GRIA3: variants seen among roughly 807,000 people sequenced by gnomAD.
GRIA3 encodes the protein glutamate receptor 3.
Under a neutral mutation model 63.0 loss-of-function variants are expected in GRIA3, and 3 were observed. That is an observed-to-expected ratio of 0.05 (90% CI 0.02 to 0.12). The LOEUF is 0.12. GRIA3 is among the 10% of genes least tolerant of loss of function. GRIA3 has a pLI of 1.00. For synonymous variants in GRIA3, 274 were observed against 257.9 expected, an observed-to-expected ratio of 1.06 and a Z score of -0.60; for missense variants, 347 against 700.9, an observed-to-expected ratio of 0.50 and a Z score of 5.70.
chrX:123,388,693 T>G (rs2045367208), intron 5 of GRIA3, among the ~76,000 whole-genome samples: 1 of 112,574 alleles, frequency 8.9e-6, no homozygotes, highest in East Asian at 2.8e-4. Flanking sequence ...TGTTCTTTTG[T>G]GTTTTTCTTT....
At chrX:123,434,715 T>G (rs905966907) in intron 12 of GRIA3, among the ~76,000 whole-genome samples, 4 of 111,328 alleles carry the variant, frequency 3.6e-5, no homozygotes, top group African/African-American at 1.3e-4. Context: ...AAAGATGCAG[T>G]AAGACCACCG....
chrX:123,283,277 A>G (rs925716167), intron 3 of GRIA3, among the ~76,000 whole-genome samples: 1 of 111,781 alleles, frequency 8.9e-6, no homozygotes, highest in Non-Finnish European at 1.9e-5. Context: ...TCGGGTGCCT[A>G]TGCCACCAGG....
At position 123,284,779 on chromosome X, in the gene GRIA3, T is replaced by C. The variant is rs779146524; in HGVS notation, c.508+31237T>C. ...AAAGACTAAACCGGCATTTGATTGGTGTACCTCAAAGTGACAGGGAGAATG... is the reference window on the plus strand; with the variant it reads ...AAAGACTAAACCGGCATTTGATTGGCGTACCTCAAAGTGACAGGGAGAATG... On this transcript the variant is annotated intron_variant, in intron 3 of 15. Coordinates refer to ENST00000620443, the MANE Select transcript of GRIA3 (RefSeq NM_007325.5). Among the ~76,000 whole-genome samples, 3 of 111,745 alleles carry C rather than the reference T, an allele frequency of 2.7e-5. No individual in the cohort carries two copies. The East Asian group carries it at 8.5e-4, about 32-fold the overall frequency.
At chrX:123,325,680 A>T (rs2044897852) in intron 3 of GRIA3, among the ~76,000 whole-genome samples, 1 of 112,116 alleles carries the variant, frequency 8.9e-6, no homozygotes, top group Admixed American at 9.5e-5. Context: ...ATGAGCTTCA[A>T]CTGCAGTAAG....
chrX:123,291,155 C>T (rs1166368628), intron 3 of GRIA3, among the ~76,000 whole-genome samples: 1 of 111,436 alleles, frequency 9.0e-6, no homozygotes, highest in Non-Finnish European at 1.9e-5. Flanking sequence ...AAACTGGGCA[C>T]ACTGGCATAG....
Position 123,248,168 on chromosome X carries a change from T to C in GRIA3, c.269-5135T>C, listed in dbSNP as rs757169075. On this transcript the variant is annotated intron_variant, in intron 2 of 15. Coordinates refer to ENST00000620443, the MANE Select transcript of GRIA3 (RefSeq NM_007325.5). ...AATGCTGAAACAGTTATTGTCATTA[T>C]CCCAATTTTACAGATGAAGAAACTC... Among the ~76,000 whole-genome samples, 3 of 112,611 alleles carry C rather than the reference T, an allele frequency of 2.7e-5. No individual in the cohort carries two copies. The East Asian group carries it at 8.4e-4, about 31-fold the overall frequency.
At chrX:123,270,957 C>G (rs2044517753) in intron 3 of GRIA3, among the ~76,000 whole-genome samples, 2 of 112,124 alleles carry the variant, frequency 1.8e-5, no homozygotes, top group South Asian at 7.4e-4. Flanking sequence ...GGTGTTTTAT[C>G]ACTGTATCTG....
chrX:123,372,526 T>G (rs1003871366), intron 5 of GRIA3, among the ~76,000 whole-genome samples: 2 of 112,351 alleles, frequency 1.8e-5, no homozygotes, highest in African/African-American at 6.5e-5. Context: ...CTTTCCATTT[T>G]TTGTGTGTCC....
intron 2 of GRIA3, among the ~76,000 whole-genome samples, chrX:123,187,595 C>T (rs1270346988): frequency 8.9e-6 from 1 of 112,005 alleles, no homozygotes; most frequent in Non-Finnish European, 1.9e-5. Context: ...TCAATTAGAA[C>T]AGATTTAAAA....
At chrX:123,319,515 C>T (rs1462840991) in intron 3 of GRIA3, among the ~76,000 whole-genome samples, 1 of 111,833 alleles carries the variant, frequency 8.9e-6, no homozygotes, top group African/African-American at 3.3e-5. Flanking sequence ...CTGTGTTTTT[C>T]CAAATGTCCA....
At chrX:123,293,194 C>T (rs956938630) in intron 3 of GRIA3, among the ~76,000 whole-genome samples, 5 of 110,346 alleles carry the variant, frequency 4.5e-5, no homozygotes, top group Non-Finnish European at 5.7e-5. Context: ...AGTAGGAGAG[C>T]GGCAGGGCTC....
intron 4 of GRIA3, among the ~76,000 whole-genome samples, chrX:123,342,460 C>G (rs1310896874): frequency 8.9e-6 from 1 of 112,093 alleles, no homozygotes; most frequent in Admixed American, 9.5e-5. Flanking sequence ...GCTAAATAAC[C>G]TGCACTGTGA....
At chrX:123,429,529 A>G (rs189738941) in intron 12 of GRIA3, among the ~76,000 whole-genome samples, 1 of 111,829 alleles carries the variant, frequency 8.9e-6, no homozygotes, top group Non-Finnish European at 1.9e-5. Flanking sequence ...GCAGTCCCAG[A>G]AGCTTATTTA....
At chrX:123,270,230 T>G (rs777957926) in intron 3 of GRIA3, among the ~76,000 whole-genome samples, 3 of 112,208 alleles carry the variant, frequency 2.7e-5, no homozygotes, top group Non-Finnish European at 3.8e-5. Flanking sequence ...CAGGCCCATT[T>G]CCTGAGGCCA....
At chrX:123,204,585 C>A in intron 2 of GRIA3, 1 of 1,131,981 alleles carries the variant, frequency 8.8e-7, no homozygotes, top group South Asian at 2.1e-5. Flanking sequence ...AAACTACCCT[C>A]TGGAGATAAA....
At chrX:123,326,280 T>A in intron 4 of GRIA3, 67 bp downstream of exon 4, 12 of 911,399 alleles carry the variant, frequency 1.3e-5, no homozygotes, top group Non-Finnish European at 1.9e-5. Context: ...AGCTCCCATA[T>A]CTGCTAATAA....
chrX:123,204,495 G>A, intron 2 of GRIA3: 2 of 1,165,574 alleles, frequency 1.7e-6, no homozygotes, highest in East Asian at 3.3e-5. Context: ...CATGGAGGGA[G>A]AAGAAAGAAA....
chrX:123,242,387 C>A (rs1569405696), intron 2 of GRIA3, among the ~76,000 whole-genome samples: 1 of 111,865 alleles, frequency 8.9e-6, no homozygotes, highest in African/African-American at 3.2e-5. Context: ...TAGGGCTGAT[C>A]CAAAGACATC....
chrX:123,356,880 G>A lies in GRIA3; in HGVS notation c.750+1917G>A, dbSNP rs774216825. On this transcript the variant is annotated intron_variant, in intron 5 of 15. Transcript: ENST00000620443. ...GGTGGGGGGCAGTCATTGATGTGTC[G>A]GATGGGTCATTTGAAAGCAGATAAT... Among the ~76,000 whole-genome samples the A allele has an allele frequency of 6.3e-5, 7 of 111,493 alleles. No individual in the cohort carries two copies. The South Asian group carries it at 1.1e-3, about 18-fold the overall frequency.
Sources: gnomAD v4.1 joint callset for allele counts (sites outside exome capture counted in the v4.1 genomes callset) on GRCh38, gnomAD v4.1.1 for gene constraint, MANE v1.5 for transcripts, NCBI Gene and HGNC (gene_info 2026-07-23, HGNC 2026-07-21) for gene names.